PGAM5: variants seen among roughly 807,000 people sequenced by gnomAD.
PGAM5 encodes the protein PGAM family member 5, mitochondrial serine/threonine protein phosphatase.
Under a neutral mutation model 30.6 loss-of-function variants are expected in PGAM5, and 25 were observed. That is an observed-to-expected ratio of 0.82 (90% confidence interval 0.60 to 1.14). The LOEUF is 1.14. PGAM5 is among the 50% of genes most tolerant of loss of function. PGAM5 has a pLI of 0.00. For missense variants in PGAM5, 384 were observed against 408.5 expected (o/e 0.94, Z 0.52); for synonymous variants, 201 against 179.1 (o/e 1.12, Z -0.98).
intron 5 of PGAM5, chr12:132,719,196 ATG>A: frequency 8.5e-7 from 1 of 1,170,936 alleles, no homozygotes; most frequent in South Asian, 1.8e-5. Context: ...CCATTAGGAA[ATG>A]TGTGTGTGGG....
chr12:132,719,174 T>A (rs2043618982), intron 5 of PGAM5: 1 of 1,221,072 alleles, frequency 8.2e-7, no homozygotes, highest in African/African-American at 1.6e-5. Context: ...CAAATTTGCC[T>A]CTTCTCTGGA....
At chr12:132,720,535 C>G in intron 5 of PGAM5, 143 bp from the exon 6 acceptor site, 1 of 772,272 alleles carries the variant, frequency 1.3e-6, no homozygotes, top group East Asian at 2.8e-5. Flanking sequence ...TCTCGATCTC[C>G]TGACCTTGTG....
Position 132,710,856 on chromosome 12 carries a change from G to A in PGAM5, c.-21G>A. ...GTCGGGGCCGTGGGCGCCTGCGCGGGCCGGCGCGGGAGCAAGCGGCATGGC... is the reference window on the plus strand; with the variant it reads ...GTCGGGGCCGTGGGCGCCTGCGCGGACCGGCGCGGGAGCAAGCGGCATGGC... On this transcript the variant is annotated 5_prime_UTR_variant, in exon 1 of 6. Coordinates refer to ENST00000498926, the MANE Select transcript of PGAM5 (RefSeq NM_001170543.2). 1 of 1,115,178 alleles carries A rather than the reference G, an allele frequency of 9.0e-7. No individual in the cohort carries two copies. The highest frequency in any genetic ancestry group is 1.1e-6 in the Non-Finnish European group (1 of 914,450). The allele number at this position is 1,115,178 out of a possible 1,614,324, so 69.1% of individuals were successfully genotyped here. A position where few individuals can be genotyped will look rare whatever the true frequency, so the allele number is the denominator to read the frequency against.
chr12:132,713,790 C>T (rs893849973), intron 1 of PGAM5, among the ~76,000 whole-genome samples: 3 of 152,116 alleles, frequency 2.0e-5, no homozygotes, highest in Admixed American at 2.0e-4. Flanking sequence ...ACCTCAGCCT[C>T]CTGAGTAGCC....
chr12:132,720,368 C>T (rs546686676), intron 5 of PGAM5, among the ~76,000 whole-genome samples: 29 of 151,018 alleles, frequency 1.9e-4, no homozygotes, highest in Non-Finnish European at 2.7e-4. Flanking sequence ...AGTGCAGTGG[C>T]GCGATCTCAG....
Position 132,720,824 on chromosome 12 carries a change from C to G in PGAM5, c.866C>G (p.Ser289Cys). 1.3e-6 allele frequency: 2 copies of G among 1,536,080 alleles called. No homozygotes were observed. The highest frequency in any genetic ancestry group is 1.7e-4 in the Middle Eastern group (1 of 5,980). ...GFMPPDKITRS is the reference protein window; with the variant it reads ...GFMPPDKITRC ...ATGCCTCCCGACAAGATCACTCGAT[C>G]CTGAGGGCTCCGGCCTCTCCTTCCC... The change falls in exon 6 of 6, where the codon TCC (serine) becomes TGC (cysteine). Residue 289 changes from serine to cysteine, a missense_variant. Physicochemically the swap from Ser to Cys is moderately radical, Grantham distance 112. Coordinates refer to ENST00000498926, the MANE Select transcript of PGAM5 (RefSeq NM_001170543.2).
chr12:132,718,868 G>A (rs1056650651), intron 5 of PGAM5: 1 of 1,611,844 alleles, frequency 6.2e-7, no homozygotes, highest in African/African-American at 1.3e-5. Context: ...TGACGGCTCG[G>A]GGTGTCCGCT....
At chr12:132,717,310 G>A in intron 2 of PGAM5, 129 bp from the exon 3 acceptor site, 3 of 1,141,894 alleles carry the variant, frequency 2.6e-6, no homozygotes, top group East Asian at 5.3e-5. Context: ...GGGCGGAGGA[G>A]GGGGTGTTTG....
At chr12:132,713,013 AG>A (rs2043537177) in intron 1 of PGAM5, among the ~76,000 whole-genome samples, 1 of 152,044 alleles carries the variant, frequency 6.6e-6, no homozygotes, top group Non-Finnish European at 1.5e-5. Flanking sequence ...CAAAAAAATT[AG>A]CCAGGCATGG....
intron 4 of PGAM5, 67 bp downstream of exon 4, chr12:132,717,865 C>A: frequency 6.3e-7 from 1 of 1,590,700 alleles, no homozygotes; most frequent in Non-Finnish European, 8.6e-7. Flanking sequence ...CCCTGCTGGG[C>A]TCACCATCCA....
At position 132,721,115 on chromosome 12, in the gene PGAM5, A is replaced by C; in HGVS notation, c.*287A>C. ...TGAAAGAGGCCTGACCCAGACCACC[A>C]TGTTCGCACCCACAGCTGACCCGTG... is the stretch of plus-strand genomic sequence containing the variant. On this transcript the variant is annotated 3_prime_UTR_variant, in exon 6 of 6. Transcript: ENST00000498926. 3.6e-6 allele frequency: 1 copy of C among 276,314 alleles called. No homozygotes were observed. The highest frequency in any genetic ancestry group is 6.9e-6 in the Non-Finnish European group (1 of 145,918). 17.1% of individuals were successfully genotyped at this position (276,314 alleles called of 1,614,324 possible).
Position 132,719,223 on chromosome 12 carries a change from G to A in PGAM5, c.719+1103G>A, listed in dbSNP as rs544286075. The stretch of plus-strand genomic sequence containing the variant: ...GTGTGTGTGGGCTCCGCAGCTGAGG[G>A]GGCCCTCTTGAGTGTGACGAGTCCT... On this transcript the variant is annotated intron_variant, in intron 5 of 5. Coordinates refer to ENST00000498926, the MANE Select transcript of PGAM5 (RefSeq NM_001170543.2). The A allele has an allele frequency of 2.3e-5, 26 of 1,143,664 alleles. No homozygotes were observed. The African/African-American group carries it at 2.6e-4, about 11-fold the overall frequency. The allele number at this position is 1,143,664 out of a possible 1,614,324, so 70.8% of individuals were successfully genotyped here. A position where few individuals can be genotyped will look rare whatever the true frequency, so the allele number is the denominator to read the frequency against.
intron 1 of PGAM5, 66 bp downstream of exon 1, chr12:132,711,133 C>G (rs1364917492): frequency 4.4e-6 from 5 of 1,133,730 alleles, no homozygotes; most frequent in Non-Finnish European, 5.5e-6. Flanking sequence ...CCGTTGGGAT[C>G]GAGATCGGGA....
chr12:132,719,313 C>T (rs901578127), intron 5 of PGAM5: 39 of 972,882 alleles, frequency 4.0e-5, no homozygotes, highest in Admixed American at 1.6e-4. Context: ...GGTCTCTGCC[C>T]GTCTGTCACC....
intron 1 of PGAM5, among the ~76,000 whole-genome samples, chr12:132,712,098 C>G (rs770059212): frequency 6.6e-6 from 1 of 152,082 alleles, no homozygotes; most frequent in Non-Finnish European, 1.5e-5. Flanking sequence ...AACCTTATTT[C>G]CTCTATTATT....
intron 2 of PGAM5, among the ~76,000 whole-genome samples, chr12:132,716,786 A>G (rs1328703561): frequency 6.6e-6 from 1 of 152,212 alleles, no homozygotes; most frequent in African/African-American, 2.4e-5. Context: ...AAGTTCAGAT[A>G]GTAAAAATGT....
rs1352920355 is a variant in PGAM5 at position 132,711,018 on chromosome 12, G to A, written c.142G>A (p.Ala48Thr). The change falls in exon 1 of 6, where the codon GCG becomes ACG. Residue 48 changes from alanine (A) to threonine (T), a missense_variant. Ala to Thr is a moderately conservative substitution (Grantham distance 58). Coordinates refer to ENST00000498926, the MANE Select transcript of PGAM5 (RefSeq NM_001170543.2). ...EPRPAEPPAW[A>T]GGARPGPGVW... ...ACGCCCGGCTGAGCCGCCGGCCTGG[G>A]CGGGGGGCGCGCGGCCGGGCCCCGG... 4.1e-6 allele frequency: 5 copies of A among 1,214,842 alleles called. No individual in the cohort carries two copies. Among genetic ancestry groups the A allele is most frequent in the African/African-American group, 1.6e-5 (1 of 63,520 alleles). The allele number at this position is 1,214,842 out of a possible 1,614,324, so 75.3% of individuals were successfully genotyped here. A position where few individuals can be genotyped will look rare whatever the true frequency, so the allele number is the denominator to read the frequency against.
intron 5 of PGAM5, 75 bp from the exon 6 acceptor site, chr12:132,720,603 G>A (rs1162757225): frequency 1.4e-5 from 20 of 1,460,988 alleles, no homozygotes; most frequent in Non-Finnish European, 1.8e-5. Context: ...ACCATGCCCG[G>A]CCTAGCTCAG....
At chr12:132,718,194 C>T (rs940656040) in intron 5 of PGAM5, 74 bp downstream of exon 5, 48 of 1,573,836 alleles carry the variant, frequency 3.0e-5, no homozygotes, top group South Asian at 2.3e-4. Context: ...AGAAGCCGAG[C>T]GAGACCCTCC....
Sources: allele counts gnomAD v4.1 joint callset (sites outside exome capture counted in the v4.1 genomes callset), GRCh38; gene constraint gnomAD v4.1.1; transcripts MANE v1.5; gene names NCBI Gene and HGNC (gene_info 2026-07-23, HGNC 2026-07-21).